The following TUBB8B variants were observed in gnomAD, a reference collection of about 807,000 sequenced individuals.
The protein encoded by TUBB8B is tubulin beta 8B.
In TUBB8B, 26 loss-of-function variants were observed where a neutral mutation model predicts 31.9. The ratio of observed to expected loss-of-function variants is 0.81; its 90% CI spans 0.60 to 1.13. The LOEUF (loss-of-function observed/expected upper bound fraction) is 1.13. Among genes scored for constraint, TUBB8B ranks in the 50% most tolerant of loss-of-function variants. TUBB8B has a pLI of 0.00. For missense variants in TUBB8B, 467 were observed against 586.7 expected, an observed-to-expected ratio of 0.80 and a Z score of 2.11; for synonymous variants, 173 against 231.0, an observed-to-expected ratio of 0.75 and a Z score of 2.28.
the TUBB8B span, among the ~76,000 whole-genome samples, chr18:64,765 C>G: frequency 1.3e-5 from 2 of 152,080 alleles, no homozygotes; most frequent in Admixed American, 1.3e-4. Flanking sequence ...AGGCTACAGG[C>G]GCTCTCTTGT....
the TUBB8B span, among the ~76,000 whole-genome samples, chr18:60,962 T>C: frequency 6.6e-6 from 1 of 151,758 alleles, no homozygotes; most frequent in South Asian, 2.1e-4. Flanking sequence ...TAAATATCTA[T>C]TAGGTTCATT....
At chr18:49,871 A>C, upstream of TUBB8B, 1 of 536,828 alleles carries the variant, frequency 1.9e-6, no homozygotes, top group East Asian at 5.3e-5. Flanking sequence ...CTGAAACTGA[A>C]TTTTCCTCCC....
At chr18:62,181 T>C in the TUBB8B span, among the ~76,000 whole-genome samples, 1 of 151,732 alleles carries the variant, frequency 6.6e-6, no homozygotes, top group Non-Finnish European at 1.5e-5. Flanking sequence ...GCCTGTAAAT[T>C]TTCTCCTGAA....
At chr18:61,329 C>G in the TUBB8B span, among the ~76,000 whole-genome samples, 1 of 151,474 alleles carries the variant, frequency 6.6e-6, no homozygotes, top group South Asian at 2.1e-4. Flanking sequence ...TATTTTCAGT[C>G]TAAATGTATC....
At chr18:68,213 T>C in the TUBB8B span, among the ~76,000 whole-genome samples, 1 of 152,178 alleles carries the variant, frequency 6.6e-6, no homozygotes, top group African/African-American at 2.4e-5. Context: ...AATCTTGCAA[T>C]AGCAGTGTAA....
At chr18:60,654 CTA>C in the TUBB8B span, among the ~76,000 whole-genome samples, 1 of 151,502 alleles carries the variant, frequency 6.6e-6, no homozygotes, top group Non-Finnish European at 1.5e-5. Context: ...TTTTGCTATG[CTA>C]TGTTTCTATT....
At chr18:52,950 C>G (rs1234435382), upstream of TUBB8B, among the ~76,000 whole-genome samples, 2 of 151,786 alleles carry the variant, frequency 1.3e-5, no homozygotes, top group African/African-American at 4.8e-5. Flanking sequence ...TTCGTTTTAA[C>G]AATGACAATT....
upstream of TUBB8B, chr18:49,815 G>C (rs1303719366): frequency 1.6e-6 from 1 of 626,084 alleles, no homozygotes; most frequent in Non-Finnish European, 2.9e-6. Context: ...TGCTCAGCTG[G>C]AGAACTTCTT....
rs748758323 is a variant in TUBB8B at position 49,127 on chromosome 18, A to G, written c.166+2T>C. 999 of 1,505,184 alleles carry G rather than the reference A, an allele frequency of 6.6e-4. 21 individuals carry two copies. Among genetic ancestry groups the G allele is most frequent in the Non-Finnish European group, 8.4e-4 (918 of 1,097,584 alleles). The allele number at this position is 1,505,184 out of a possible 1,614,324, so 93.2% of individuals were successfully genotyped here. On this transcript the variant is annotated splice_donor_variant, in intron 2 of 3. Coordinates refer to ENST00000308911, the MANE Select transcript of TUBB8B (RefSeq NM_001358689.2). LOFTEE classifies it high-confidence loss of function. ...GCGGTGGGAGAAGGACGGGGGTCGC[A>G]CCGCTGGCCTCGTGGTGGTGCACGT...
At chr18:53,143 T>C (rs1906176806), upstream of TUBB8B, among the ~76,000 whole-genome samples, 2 of 151,912 alleles carry the variant, frequency 1.3e-5, no homozygotes, top group South Asian at 4.1e-4. Flanking sequence ...ATTAACCTTC[T>C]AGATGCCTTG....
upstream of TUBB8B, among the ~76,000 whole-genome samples, chr18:54,422 T>C (rs1021603071): frequency 1.3e-5 from 2 of 151,814 alleles, no homozygotes; most frequent in Non-Finnish European, 2.9e-5. Flanking sequence ...ATAAAATGTA[T>C]AATTAAATTT....
chr18:71,051 A>G, the TUBB8B span, among the ~76,000 whole-genome samples: 1 of 151,682 alleles, frequency 6.6e-6, no homozygotes, highest in Non-Finnish European at 1.5e-5. Context: ...AGTTCAAGAC[A>G]AACCTGAGCG....
the TUBB8B span, among the ~76,000 whole-genome samples, chr18:65,138 T>C: frequency 6.6e-6 from 1 of 151,928 alleles, no homozygotes; most frequent in Non-Finnish European, 1.5e-5. Flanking sequence ...CTGTCTCTAC[T>C]AAAAATACAA....
the TUBB8B span, among the ~76,000 whole-genome samples, chr18:69,804 A>AT: frequency 6.7e-6 from 1 of 150,128 alleles, no homozygotes; most frequent in African/African-American, 2.5e-5. Context: ...AATAGCAGAA[A>AT]CACATAGGAT....
the TUBB8B span, among the ~76,000 whole-genome samples, chr18:70,480 C>A: frequency 6.8e-6 from 1 of 146,826 alleles, no homozygotes; most frequent in South Asian, 2.2e-4. Flanking sequence ...TAAAAACACA[C>A]AAAAAATTAC....
chr18:49,650 C>T, upstream of TUBB8B: 1 of 720,600 alleles, frequency 1.4e-6, no homozygotes, highest in Non-Finnish European at 2.5e-6. Context: ...CTTAAATAGC[C>T]CCGCGTCCAC....
the TUBB8B span, among the ~76,000 whole-genome samples, chr18:66,486 G>A: frequency 6.8e-6 from 1 of 146,440 alleles, no homozygotes; most frequent in East Asian, 1.9e-4. Context: ...CGGAGATAGA[G>A]GCTGAAGTGA....
At chr18:62,048 T>C in the TUBB8B span, among the ~76,000 whole-genome samples, 2 of 151,832 alleles carry the variant, frequency 1.3e-5, no homozygotes, top group African/African-American at 4.8e-5. Flanking sequence ...CCTCAGTTTT[T>C]GTTTGTCGGA....
chr18:70,599 C>G, the TUBB8B span, among the ~76,000 whole-genome samples: 1 of 152,186 alleles, frequency 6.6e-6, no homozygotes, highest in Non-Finnish European at 1.5e-5. Context: ...CGCGCCACTA[C>G]ACCCTAGCCT....
Sources: allele counts gnomAD v4.1 joint callset (sites outside exome capture counted in the v4.1 genomes callset), GRCh38; gene constraint gnomAD v4.1.1; transcripts MANE v1.5; gene names NCBI Gene and HGNC (gene_info 2026-07-23, HGNC 2026-07-21).